The following KCNQ1 variants were observed in gnomAD, a reference collection of about 807,000 sequenced individuals.
KCNQ1 encodes the protein potassium voltage-gated channel subfamily KQT member 1.
KCNQ1 carries 49 observed loss-of-function variants against 72.4 expected under a neutral mutation model. The observed-to-expected ratio is 0.68, with a 90% CI of 0.54 to 0.86. The LOEUF is 0.86. Ranked by LOEUF, KCNQ1 falls within the 40% of genes least tolerant of loss-of-function variation. KCNQ1 has a pLI of 0.00. For synonymous variants in KCNQ1, 450 were observed against 412.6 expected (o/e 1.09, Z -1.10); for missense variants, 790 against 945.1 (o/e 0.84, Z 2.15).
chr11:2,577,160 A>G (rs895691635), intron 6 of KCNQ1, among the ~76,000 whole-genome samples: 2 of 152,124 alleles, frequency 1.3e-5, no homozygotes, highest in Non-Finnish European at 2.9e-5. Context: ...TTGTGGACTC[A>G]CTGTTGAGGC....
intron 1 of KCNQ1, among the ~76,000 whole-genome samples, chr11:2,472,433 C>T (rs1348362990): frequency 6.6e-6 from 1 of 151,920 alleles, no homozygotes; most frequent in Non-Finnish European, 1.5e-5. Flanking sequence ...TGTGTGTATG[C>T]ATGTGTGCAT....
At position 2,824,626 on chromosome 11, in the gene KCNQ1, T is replaced by C. The variant is rs1024891046; in HGVS notation, c.1795-23141T>C. On this transcript the variant is annotated intron_variant, in intron 15 of 15. Transcript: ENST00000155840. This position sits in a 1 kb window ranked among gnomAD's most constrained non-coding sequence, Gnocchi z 5.9. Reference sequence around the variant, plus strand: ...GTGGATGAGGTTGCCTGGCAAGAGATTGCAGGGAGAGGAGAGAGTGAGAAT... The same window carrying C: ...GTGGATGAGGTTGCCTGGCAAGAGACTGCAGGGAGAGGAGAGAGTGAGAAT... 6.6e-6 allele frequency among the ~76,000 whole-genome samples: 1 copy of C among 151,752 alleles called. No individual in the cohort carries two copies. The highest frequency in any genetic ancestry group is 1.5e-5 in the Non-Finnish European group (1 of 67,908).
At position 2,767,187 on chromosome 11, in the gene KCNQ1, T is replaced by TGTA. The variant is rs56981519; in HGVS notation, c.1515-1657_1515-1656insGTA. Among the ~76,000 whole-genome samples the TGTA allele has an allele frequency of 4.4e-4, 65 of 148,178 alleles. No individual in the cohort carries two copies. The highest frequency in any genetic ancestry group is 1.2e-3 in the African/African-American group (47 of 40,330). On this transcript the variant is annotated intron_variant, in intron 11 of 15. Coordinates refer to ENST00000155840, the MANE Select transcript of KCNQ1 (RefSeq NM_000218.3). This position sits in a 1 kb window ranked among gnomAD's most constrained non-coding sequence, Gnocchi z 4.6. The stretch of plus-strand genomic sequence containing the variant: ...ATCTATATGTGTGTGTGTGTGTGTA[T>TGTA]TTTTTTTTTTCTTTGCTTAGCTAGG...
chr11:2,564,766 G>A lies in KCNQ1; in HGVS notation c.478-5862G>A, dbSNP rs80111484. On this transcript the variant is annotated intron_variant, in intron 2 of 15. Coordinates refer to ENST00000155840, the MANE Select transcript of KCNQ1 (RefSeq NM_000218.3). This position sits in a 1 kb window ranked among gnomAD's most constrained non-coding sequence, Gnocchi z 4.5. ...TACTCCCCCTTCCCCAGCCCCTGGC[G>A]CCCATCATCTACTTTCTACCTCTGT... Among the ~76,000 whole-genome samples the A allele has an allele frequency of 0.044, 6,650 of 152,112 alleles. 426 individuals are homozygous for A. The highest frequency in any genetic ancestry group is 0.14 in the African/African-American group (5,690 of 41,474).
Position 2,461,365 on chromosome 11 carries a change from G to A in KCNQ1, c.386+15881G>A, listed in dbSNP as rs1414504721. ...TGAAATAGCCTCTGAAGCTCTGTCC[G>A]GGAAGGGAACCTTGAGTGTGGAGGA... On this transcript the variant is annotated intron_variant, in intron 1 of 15. Transcript: ENST00000155840. 9 of 1,194,934 alleles carry A rather than the reference G, an allele frequency of 7.5e-6. 1 individual carries two copies. Among genetic ancestry groups the A allele is most frequent in the South Asian group, 4.3e-5 (3 of 69,694 alleles). 74.0% of individuals were successfully genotyped at this position (1,194,934 alleles called of 1,614,324 possible). A position where few individuals can be genotyped will look rare whatever the true frequency, so the allele number is the denominator to read the frequency against.
rs1488639148 is a variant in KCNQ1 at position 2,544,978 on chromosome 11, T to TA, written c.477+16961dup. ...GTTAAGGAAACGTCCCCTCTAATAC[T>TA]ATAGCTGAGAGCTTTTAATATGAAT... On this transcript the variant is annotated intron_variant, in intron 2 of 15. Transcript: ENST00000155840. This position sits in a 1 kb window ranked among gnomAD's most constrained non-coding sequence, Gnocchi z 4.4. Among the ~76,000 whole-genome samples, 17 of 152,216 alleles carry TA rather than the reference T, an allele frequency of 1.1e-4. No individual in the cohort carries two copies. The highest frequency in any genetic ancestry group is 4.1e-4 in the African/African-American group (17 of 41,448).
At position 2,544,226 on chromosome 11, in the gene KCNQ1, ATATATATATATGTGTGTGTGTG is replaced by A. The variant is rs202168896; in HGVS notation, c.477+16240_477+16261del. The stretch of plus-strand genomic sequence containing the variant: ...TCTGATCAATGAGATTATCTATCTC[ATATATATATATGTGTGTGTGTG>A]TATATATATATGTGTGTGTGTGTAT... On this transcript the variant is annotated intron_variant, in intron 2 of 15. Transcript: ENST00000155840. This position sits in a 1 kb window ranked among gnomAD's most constrained non-coding sequence, Gnocchi z 4.4. Among the ~76,000 whole-genome samples, 53 of 147,486 alleles carry A rather than the reference ATATATATATATGTGTGTGTGTG, an allele frequency of 3.6e-4. No homozygotes were observed. The highest frequency in any genetic ancestry group is 9.8e-4 in the African/African-American group (38 of 38,650).
In KCNQ1 at chr11:2,508,611, T is replaced by G. The variant is rs2237865; in HGVS notation, c.387-19317T>G. Among the ~76,000 whole-genome samples the G allele has an allele frequency of 6.6e-6, 1 of 151,844 alleles. No individual in the cohort carries two copies. Among genetic ancestry groups the G allele is most frequent in the African/African-American group, 2.4e-5 (1 of 41,302 alleles). The stretch of plus-strand genomic sequence containing the variant: ...CCCACCAGGACCCAGACTCCCAGAC[T>G]AGCAGGTGGGCTTCTCAGAGCACAG... On this transcript the variant is annotated intron_variant, in intron 1 of 15. Transcript: ENST00000155840. The surrounding 1 kb of genome is among the most constrained non-coding windows in gnomAD (Gnocchi z 6.2).
chr11:2,680,276 A>C, intron 11 of KCNQ1: 1 of 398,092 alleles, frequency 2.5e-6, no homozygotes. Flanking sequence ...TTGTTATTGA[A>C]ACTTCATTCA....
rs930307534 is a variant in KCNQ1, at chr11:2,707,935, C to A, written c.1514+45854C>A. ...GGCCCACATTTGGCTTCTTGAGCGC[C>A]GAACCTGCATGTGCCACCCCCCAGA... On this transcript the variant is annotated intron_variant, in intron 11 of 15. Transcript: ENST00000155840. 3.9e-5 allele frequency among the ~76,000 whole-genome samples: 6 copies of A among 152,178 alleles called. No individual in the cohort carries two copies. The East Asian group carries it at 1.2e-3, about 29-fold the overall frequency.
Position 2,588,979 on chromosome 11 carries a change from C to A in KCNQ1, c.1393+125C>A. On this transcript the variant is annotated intron_variant, in intron 10 of 15. Coordinates refer to ENST00000155840, the MANE Select transcript of KCNQ1 (RefSeq NM_000218.3). The surrounding 1 kb of genome is among the most constrained non-coding windows in gnomAD (Gnocchi z 5.6). ...TCTCTGACAACGAGGTATGAACAGACAGAGGGTGGAGCTTCTAGAAACTTC... is the reference window on the plus strand; with the variant it reads ...TCTCTGACAACGAGGTATGAACAGAAAGAGGGTGGAGCTTCTAGAAACTTC... The A allele has an allele frequency of 2.6e-6, 3 of 1,162,618 alleles. No individual in the cohort carries two copies. Among genetic ancestry groups the A allele is most frequent in the African/African-American group, 1.5e-5 (1 of 65,378 alleles). The allele number at this position is 1,162,618 out of a possible 1,614,324, so 72.0% of individuals were successfully genotyped here.
At chr11:2,582,839 A>C (rs963586558) in intron 6 of KCNQ1, among the ~76,000 whole-genome samples, 1 of 152,116 alleles carries the variant, frequency 6.6e-6, no homozygotes, top group Non-Finnish European at 1.5e-5. Context: ...CAAACCTCAG[A>C]TGCCAGCGCG....
intron 11 of KCNQ1, among the ~76,000 whole-genome samples, chr11:2,719,703 C>T (rs1851171046): frequency 6.6e-6 from 1 of 152,160 alleles, no homozygotes; most frequent in African/African-American, 2.4e-5. Flanking sequence ...TGTAGGAAGT[C>T]CTGCCCTCGG....
At chr11:2,533,874 G>A (rs535294023) in intron 2 of KCNQ1, among the ~76,000 whole-genome samples, 11 of 152,342 alleles carry the variant, frequency 7.2e-5, no homozygotes, top group African/African-American at 1.9e-4. Flanking sequence ...CGGCTAGTCC[G>A]CGCCTTTGGT....
At chr11:2,806,534 C>T (rs568027761) in intron 15 of KCNQ1, among the ~76,000 whole-genome samples, 5 of 152,340 alleles carry the variant, frequency 3.3e-5, no homozygotes, top group African/African-American at 1.2e-4. Flanking sequence ...CCCGGTTGTG[C>T]CAGTGGCTAG....
rs1437083864 is a variant in KCNQ1 at position 2,587,550 on chromosome 11, G to A, written c.1129-20G>A. The A allele has an allele frequency of 8.7e-6, 14 of 1,613,456 alleles. No homozygotes were observed. The highest frequency in any genetic ancestry group is 1.2e-5 in the Non-Finnish European group (14 of 1,179,998). The stretch of plus-strand genomic sequence containing the variant: ...CGGGTGGCTCAGCAGGTGACAGCCT[G>A]TCCCCCTGCCCGACCTCAGACCGCA... On this transcript the variant is annotated intron_variant, in intron 8 of 15. Transcript: ENST00000155840.
In KCNQ1 at chr11:2,669,423, G is replaced by A; in HGVS notation, c.1514+7342G>A. The stretch of plus-strand genomic sequence containing the variant: ...CATCATGTGTCCCTTGTTTATTTAG[G>A]TTGACTTTCATATCTTTTACCTTGC... On this transcript the variant is annotated intron_variant, in intron 11 of 15. Transcript: ENST00000155840. This position sits in a 1 kb window ranked among gnomAD's most constrained non-coding sequence, Gnocchi z 5.6. 1 of 398,600 alleles carries A rather than the reference G, an allele frequency of 2.5e-6. No individual in the cohort carries two copies. Among genetic ancestry groups the A allele is most frequent in the Non-Finnish European group, 4.4e-6 (1 of 226,066 alleles). 24.7% of individuals were successfully genotyped at this position (398,600 alleles called of 1,614,324 possible).
At chr11:2,667,185 C>T in intron 11 of KCNQ1, 4 of 398,688 alleles carry the variant, frequency 1.0e-5, no homozygotes, top group Admixed American at 8.8e-5. Flanking sequence ...GCCATCAGCC[C>T]AGCTGTGGCG....
At chr11:2,694,214 T>A (rs544286175) in intron 11 of KCNQ1, 75 of 398,654 alleles carry the variant, frequency 1.9e-4, no homozygotes, top group African/African-American at 1.5e-3. Context: ...GTGGTGAGGC[T>A]ATAGGTGTTA....
Sources: gnomAD v4.1 joint callset for allele counts (sites outside exome capture counted in the v4.1 genomes callset) on GRCh38, gnomAD v4.1.1 for gene constraint, Gnocchi (gnomAD v3.1) non-coding constraint, MANE v1.5 for transcripts, NCBI Gene and HGNC (gene_info 2026-07-23, HGNC 2026-07-21) for gene names.